The following HIP1R variants were observed in gnomAD, a reference collection of about 807,000 sequenced individuals.
HIP1R encodes the protein huntingtin interacting protein 1 related.
In HIP1R, 135 loss-of-function variants were observed where a neutral mutation model predicts 144.2. The ratio of observed to expected loss-of-function variants is 0.94; its 90% CI spans 0.81 to 1.08. HIP1R has a LOEUF of 1.08. Ranked by LOEUF, HIP1R falls within the 50% of genes least tolerant of loss-of-function variation. The pLI, the probability that HIP1R is intolerant of heterozygous loss-of-function variation, is 0.00. For synonymous variants in HIP1R, 698 were observed against 612.8 expected (o/e 1.14, Z -2.05); for missense variants, 1,462 against 1,432.8 (o/e 1.02, Z -0.33).
At chr12:122,847,307 G>T (rs1228621640) in intron 1 of HIP1R, among the ~76,000 whole-genome samples, 6 of 152,312 alleles carry the variant, frequency 3.9e-5, no homozygotes, top group South Asian at 4.2e-4. Context: ...CCGGGGCGGG[G>T]GGGGAGGGGT....
rs147893325 is a variant in HIP1R, at chr12:122,840,629, C to T, written c.93+4986C>T. Among the ~76,000 whole-genome samples the T allele has an allele frequency of 2.0e-5, 3 of 152,314 alleles. No individual in the cohort carries two copies. Among genetic ancestry groups the T allele is most frequent in the East Asian group, 3.9e-4 (2 of 5,186 alleles). ...AGCAGGCTGGGCTGAAAGAGAGAAA[C>T]AAGCTCCCTGTTGAGCTCTGCCCGG... On this transcript the variant is annotated intron_variant, in intron 1 of 31. Transcript: ENST00000253083. This position sits in a 1 kb window ranked among gnomAD's most constrained non-coding sequence, Gnocchi z 4.2.
At position 122,858,160 on chromosome 12, in the gene HIP1R, G is replaced by A. The variant is rs527467280; in HGVS notation, c.1874G>A (p.Arg625Gln). ...RLLDEQFAVL[R>Q]GAAAEAAGIL... ...CTGGACGAGCAGTTCGCAGTGTTGC[G>A]GGGCGCTGCTGCCGAGGCCGCGGGC... The change falls in exon 19 of 32, where the codon CGG becomes CAG. Residue 625 changes from arginine to glutamine, a missense_variant. Arg to Gln is a conservative substitution (Grantham distance 43). Around this residue, in one of 2 missense-constraint regions of HIP1R, gnomAD observed 1,112 missense variants for 1,011.7 expected, o/e 1.10. Coordinates refer to ENST00000253083, the MANE Select transcript of HIP1R (RefSeq NM_003959.3). The A allele has an allele frequency of 1.4e-5, 22 of 1,605,956 alleles. No individual in the cohort carries two copies. Among genetic ancestry groups the A allele is most frequent in the South Asian group, 6.6e-5 (6 of 90,858 alleles).
rs140221175 is a variant in HIP1R at position 122,856,539 on chromosome 12, G to T, written c.1509G>T (p.Ser503=). ...AFQVEQVKRE[S]ELKLEEKSDQ... ...AGGTGGAGCAGGTGAAGCGGGAGTC[G>T]GAGTTGAAGGTATGTCCCTTGTGGC... The change falls in exon 16 of 32, where the codon TCG becomes TCT. Residue 503 remains serine, a synonymous_variant. Coordinates refer to ENST00000253083, the MANE Select transcript of HIP1R (RefSeq NM_003959.3). 8.7e-6 allele frequency: 14 copies of T among 1,600,178 alleles called. No homozygotes were observed. In the African/African-American group the frequency reaches 1.9e-4, roughly 21 times the overall value.
At chr12:122,850,344 G>A (rs760595683) in intron 5 of HIP1R, 14 of 482,212 alleles carry the variant, frequency 2.9e-5, no homozygotes, top group South Asian at 1.9e-4. Context: ...TTCAGTGGCC[G>A]CTGGGTTGGG....
Position 122,857,159 on chromosome 12 carries a change from G to C in HIP1R, c.1759G>C (p.Glu587Gln), listed in dbSNP as rs1004901169. ...VRETEAALSR[E>Q]QQRSSQEQGE... Reference sequence around the variant, plus strand: ...CGAGACAGAGGCGGCGCTGAGCCGGGAGCAGCAGCGCAGCTCCCAGGAGCA... The same window carrying C: ...CGAGACAGAGGCGGCGCTGAGCCGGCAGCAGCAGCGCAGCTCCCAGGAGCA... Residue 587 changes from glutamate to glutamine, a missense_variant, in exon 18 of 32, where the codon GAG becomes CAG. Physicochemically the swap from Glu to Gln is conservative, Grantham distance 29. This residue lies in a region of HIP1R where 1,112 missense variants were observed against 1,011.7 expected (regional missense o/e 1.10). Transcript: ENST00000253083. 6.4e-6 allele frequency: 10 copies of C among 1,550,418 alleles called. No homozygotes were observed. The highest frequency in any genetic ancestry group is 3.3e-4 in the Middle Eastern group (2 of 5,992).
At position 122,857,271 on chromosome 12, in the gene HIP1R, TC is replaced by T. The variant is rs1358468274; in HGVS notation, c.1815+57del. 17 of 1,464,002 alleles carry T rather than the reference TC, an allele frequency of 1.2e-5. No individual in the cohort carries two copies. The East Asian group carries it at 4.2e-4, about 36-fold the overall frequency. 90.7% of individuals were successfully genotyped at this position (1,464,002 alleles called of 1,614,324 possible). The stretch of plus-strand genomic sequence containing the variant: ...TGAGTTCACTGCCGTCTGGCAACCA[TC>T]GATCTGTCTCCGTGATCTGCCTGTT... On this transcript the variant is annotated intron_variant, in intron 18 of 31. Transcript: ENST00000253083.
At chr12:122,855,925 G>A (rs1390567332) in intron 13 of HIP1R, 22 bp downstream of exon 13, 1 of 1,563,552 alleles carries the variant, frequency 6.4e-7, no homozygotes, top group Non-Finnish European at 8.7e-7. Flanking sequence ...GGATGGGTGG[G>A]GGCCAGGGCC....
chr12:122,843,332 G>A (rs1424294771), intron 1 of HIP1R, among the ~76,000 whole-genome samples: 3 of 152,232 alleles, frequency 2.0e-5, no homozygotes, highest in Non-Finnish European at 4.4e-5. Context: ...TTAACCTGCA[G>A]CCTCAATGTC....
In HIP1R at chr12:122,860,038, C is replaced by CT; in HGVS notation, c.2466-8dup. The stretch of plus-strand genomic sequence containing the variant: ...GAGCGGCAGCTAAGTCTCTCCTTCT[C>CT]TCCCCCAGGATCCTCAACTCCTGCA... On this transcript the variant is annotated splice_polypyrimidine_tract_variant and intron_variant, in intron 24 of 31. Transcript: ENST00000253083. 1 of 1,553,158 alleles carries CT rather than the reference C, an allele frequency of 6.4e-7. No individual in the cohort carries two copies. Among genetic ancestry groups the CT allele is most frequent in the Non-Finnish European group, 8.7e-7 (1 of 1,150,426 alleles).
At chr12:122,845,555 C>G (rs1425553112) in intron 1 of HIP1R, among the ~76,000 whole-genome samples, 1 of 152,216 alleles carries the variant, frequency 6.6e-6, no homozygotes, top group Non-Finnish European at 1.5e-5. Flanking sequence ...TGGGGCCTCC[C>G]TCCTGCCATG....
chr12:122,855,584 C>T lies in HIP1R; in HGVS notation c.1027C>T (p.Pro343Ser). ...TGACCTCTTCGATCAGACGTTTGGA[C>T]CCCCCAATGGGTCTGTGAAGGACGA... ...VADLFDQTFG[P>S]PNGSVKDDRD... Residue 343 changes from proline (P) to serine (S), a missense_variant, in exon 12 of 32, where the codon CCC becomes TCC. Around this residue, in one of 2 missense-constraint regions of HIP1R, gnomAD observed 1,112 missense variants for 1,011.7 expected, o/e 1.10. Transcript: ENST00000253083. The T allele has an allele frequency of 6.5e-7, 1 of 1,549,638 alleles. No individual in the cohort carries two copies. Among genetic ancestry groups the T allele is most frequent in the African/African-American group, 1.4e-5 (1 of 73,092 alleles).
rs941518118 is a variant in HIP1R at position 122,860,039 on chromosome 12, TC to T, written c.2466-3del. 9 of 1,551,086 alleles carry T rather than the reference TC, an allele frequency of 5.8e-6. No individual in the cohort carries two copies. Among genetic ancestry groups the T allele is most frequent in the Non-Finnish European group, 5.2e-6 (6 of 1,149,732 alleles). ...AGCGGCAGCTAAGTCTCTCCTTCTC[TC>T]CCCCAGGATCCTCAACTCCTGCACA... On this transcript the variant is annotated splice_polypyrimidine_tract_variant and splice_region_variant and intron_variant, in intron 24 of 31. Coordinates refer to ENST00000253083, the MANE Select transcript of HIP1R (RefSeq NM_003959.3).
At chr12:122,842,994 G>A (rs931337196) in intron 1 of HIP1R, among the ~76,000 whole-genome samples, 1 of 152,224 alleles carries the variant, frequency 6.6e-6, no homozygotes, top group African/African-American at 2.4e-5. Context: ...AGATGCCCTC[G>A]CCCCAAGGGA....
intron 2 of HIP1R, 60 bp downstream of exon 2, chr12:122,848,154 C>G: frequency 1.3e-6 from 2 of 1,559,474 alleles, no homozygotes; most frequent in Non-Finnish European, 1.8e-6. Context: ...CAGCGTAGTG[C>G]TGCAGGTGGC....
chr12:122,858,039 G>C, intron 18 of HIP1R, 63 bp from the exon 19 acceptor site: 2 of 1,460,662 alleles, frequency 1.4e-6, no homozygotes, highest in Admixed American at 2.1e-5. Context: ...TCATTCCAGG[G>C]CTGGGGCACA....
At position 122,860,710 on chromosome 12, in the gene HIP1R, G is replaced by A. The variant is rs199554507; in HGVS notation, c.2692G>A (p.Gly898Ser). Residue 898 changes from glycine (G) to serine (S), a missense_variant, in exon 28 of 32, where the codon GGC (glycine) becomes AGC (serine). Gly to Ser is a moderately conservative substitution (Grantham distance 56). Transcript: ENST00000253083. Reference sequence around the variant, plus strand: ...AGCTGACAAGGTGGTGCTTCACACGGGCAAGTATGAGGAGCTCATCGTCTG... The same window carrying A: ...AGCTGACAAGGTGGTGCTTCACACGAGCAAGTATGAGGAGCTCATCGTCTG... Reference protein sequence around the residue: ...EAADKVVLHTGKYEELIVCSH... With the variant: ...EAADKVVLHTSKYEELIVCSH... 1.2e-4 allele frequency: 201 copies of A among 1,613,220 alleles called. 1 individual carries two copies. Among genetic ancestry groups the A allele is most frequent in the Non-Finnish European group, 1.7e-4 (195 of 1,179,982 alleles).
In HIP1R at chr12:122,855,212, A is replaced by G. The variant is rs2033529481; in HGVS notation, c.853-53A>G. On this transcript the variant is annotated intron_variant, in intron 10 of 31. Transcript: ENST00000253083. Reference sequence around the variant, plus strand: ...CCACACAGGCTATGGAGATGGCGGAAGGAGGGCTTGCTTAGGGGACAGCTG... The same window carrying G: ...CCACACAGGCTATGGAGATGGCGGAGGGAGGGCTTGCTTAGGGGACAGCTG... 4.3e-6 allele frequency: 7 copies of G among 1,610,920 alleles called. No homozygotes were observed. In the South Asian group the frequency reaches 6.6e-5, roughly 15 times the overall value.
At chr12:122,857,381 C>T (rs1284464635) in intron 18 of HIP1R, 166 bp downstream of exon 18, 1 of 689,362 alleles carries the variant, frequency 1.5e-6, no homozygotes, top group Non-Finnish European at 2.6e-6. Context: ...TGTCAAGGGT[C>T]ACCACATCAT....
chr12:122,850,404 C>T (rs2033345161), intron 5 of HIP1R: 1 of 395,184 alleles, frequency 2.5e-6, no homozygotes, highest in Non-Finnish European at 4.9e-6. Context: ...GGTTCGGTGG[C>T]CGCTGGGTTG....
Sources: allele counts gnomAD v4.1 joint callset (sites outside exome capture counted in the v4.1 genomes callset), GRCh38; gene constraint gnomAD v4.1.1; regional missense constraint gnomAD v4.1.1; non-coding constraint Gnocchi (gnomAD v3.1); transcripts MANE v1.5; gene names NCBI Gene and HGNC (gene_info 2026-07-23, HGNC 2026-07-21).